The following VWDE variants were observed in gnomAD, a reference collection of about 807,000 sequenced individuals.
VWDE encodes von Willebrand factor D and EGF domain-containing protein.
Under a neutral mutation model 178.4 loss-of-function variants are expected in VWDE, and 207 were observed. The ratio of observed to expected loss-of-function variants is 1.16; its 90% CI spans 1.04 to 1.30. The LOEUF (loss-of-function observed/expected upper bound fraction) is 1.30, where lower values mean the gene tolerates loss of function less well. Among genes scored for constraint, VWDE ranks in the 50% most tolerant of loss-of-function variants. The pLI is 0.00. For synonymous variants in VWDE, 738 were observed against 651.4 expected (o/e 1.13, Z -2.02); for missense variants, 2,287 against 1,901.3 (o/e 1.20, Z -3.77).
chr7:12,359,438 C>T (rs767054508), intron 16 of VWDE, 140 bp downstream of exon 16: 24 of 551,276 alleles, frequency 4.4e-5, no homozygotes, highest in South Asian at 1.9e-4. Context: ...ATACCCTCAA[C>T]GTAAATTTTG....
At chr7:12,399,693 A>G (rs847996) in intron 1 of VWDE, among the ~76,000 whole-genome samples, 8,778 of 152,232 alleles carry the variant, frequency 0.058, 335 homozygotes, top group Middle Eastern at 0.11. Flanking sequence ...GATAAATTTA[A>G]ACAGAAAGCT....
At chr7:12,339,220 T>C (rs1208078107) in intron 24 of VWDE, among the ~76,000 whole-genome samples, 2 of 152,206 alleles carry the variant, frequency 1.3e-5, no homozygotes, top group Middle Eastern at 3.2e-3. Flanking sequence ...TTCAGTTTAA[T>C]AATTGAGAGA....
intron 27 of VWDE, 71 bp downstream of exon 27, chr7:12,336,070 A>G: frequency 7.4e-7 from 1 of 1,345,982 alleles, no homozygotes. Context: ...CTTGTCCTAA[A>G]GCTATACTTT....
chr7:12,352,813 G>C (rs1316396230), intron 18 of VWDE, among the ~76,000 whole-genome samples: 1 of 152,112 alleles, frequency 6.6e-6, no homozygotes, highest in Non-Finnish European at 1.5e-5. Context: ...CAAAGGTATG[G>C]ATCTTCAACA....
At chr7:12,387,874 T>C (rs1031226616) in intron 3 of VWDE, among the ~76,000 whole-genome samples, 2 of 150,084 alleles carry the variant, frequency 1.3e-5, no homozygotes, top group African/African-American at 4.8e-5. Flanking sequence ...AATTGGGGTT[T>C]GAGATTCACA....
At chr7:12,399,224 A>T (rs1208778753) in intron 1 of VWDE, among the ~76,000 whole-genome samples, 1 of 152,190 alleles carries the variant, frequency 6.6e-6, no homozygotes, top group Non-Finnish European at 1.5e-5. Context: ...TGAAAGTAAA[A>T]GGGCAGAAAA....
At position 12,367,451 on chromosome 7, in the gene VWDE, C is replaced by A. The variant is rs1016522711; in HGVS notation, c.2804G>T (p.Cys935Phe). 6.5e-7 allele frequency: 1 copy of A among 1,544,518 alleles called. No individual in the cohort carries two copies. Among genetic ancestry groups the A allele is most frequent in the Admixed American group, 2.0e-5 (1 of 50,228 alleles). ...CATACAATTATATTTTTGAACATCA[C>A]AGAATCCAGCATTCCCAAGCTCTGT... ...EITELGNAGF[C>F]DVQKYNCMMV... is the part of the protein sequence containing the mutation. The change falls in exon 13 of 29, where the codon TGT (cysteine) becomes TTT (phenylalanine). Residue 935 changes from cysteine (C) to phenylalanine (F), a missense_variant. Coordinates refer to ENST00000275358, the MANE Select transcript of VWDE (RefSeq NM_001135924.3).
intron 9 of VWDE, among the ~76,000 whole-genome samples, chr7:12,373,880 C>A (rs1783357263): frequency 6.6e-6 from 1 of 152,138 alleles, no homozygotes; most frequent in Admixed American, 6.6e-5. Context: ...TTAGTTATAA[C>A]CGTAAAGGAT....
In VWDE at chr7:12,378,062, A is replaced by G. The variant is rs566895310; in HGVS notation, c.880-142T>C. On this transcript the variant is annotated intron_variant, in intron 6 of 28. Transcript: ENST00000275358. ...TAGAATGTTTTAACTAAGCAAGACC[A>G]TTAAAATCAAACTTATACAAATACA... The G allele has an allele frequency of 1.4e-5, 8 of 572,654 alleles. No homozygotes were observed. In the South Asian group the frequency reaches 2.8e-4, roughly 20 times the overall value. The allele number at this position is 572,654 out of a possible 1,614,324, so 35.5% of individuals were successfully genotyped here.
chr7:12,342,106 T>C lies in VWDE; in HGVS notation c.4223A>G (p.Asp1408Gly). Residue 1408 changes from aspartate (D) to glycine (G), a missense_variant, in exon 23 of 29, where the codon GAT becomes GGT. Transcript: ENST00000275358. ...CCAGCCAGGTTTGCACTGGCAAATA[T>C]CTGGTGTAAGACACTGGCCTCCATT... is the stretch of plus-strand genomic sequence containing the variant. The part of the protein sequence containing the change: ...CENGGQCLTP[D>G]ICQCKPGWYG... 3.2e-6 allele frequency: 5 copies of C among 1,551,572 alleles called. No individual in the cohort carries two copies. Among genetic ancestry groups the C allele is most frequent in the Non-Finnish European group, 4.4e-6 (5 of 1,146,908 alleles).
chr7:12,336,906 G>GA (rs1287484114), intron 26 of VWDE, 82 bp downstream of exon 26: 24 of 1,328,302 alleles, frequency 1.8e-5, no homozygotes, highest in Middle Eastern at 4.6e-4. Flanking sequence ...AAACAAAAGT[G>GA]AAAAAAATGC....
chr7:12,370,213 T>C lies in VWDE; in HGVS notation c.2093A>G (p.Glu698Gly), dbSNP rs983002728. 3.9e-6 allele frequency: 6 copies of C among 1,551,102 alleles called. No homozygotes were observed. In the African/African-American group the frequency reaches 4.1e-5, roughly 11 times the overall value. The change falls in exon 12 of 29, where the codon GAA becomes GGA. Residue 698 changes from glutamate (E) to glycine (G), a missense_variant. Transcript: ENST00000275358. Reference sequence around the variant, plus strand: ...TTTAGTCAGGTTTATGTGTTTTTTTTCTTGCAGAAATAAATTTAGATTATA... The same window carrying C: ...TTTAGTCAGGTTTATGTGTTTTTTTCCTTGCAGAAATAAATTTAGATTATA... ...EEYNLNLFLQ[E>G]KKHINLTKLG...
At chr7:12,392,072 A>G (rs2128561993) in intron 2 of VWDE, among the ~76,000 whole-genome samples, 1 of 152,322 alleles carries the variant, frequency 6.6e-6, no homozygotes, top group Admixed American at 6.5e-5. Flanking sequence ...ACACCTATTT[A>G]TGCAGAACTC....
intron 24 of VWDE, among the ~76,000 whole-genome samples, chr7:12,338,764 G>A (rs1030224531): frequency 5.9e-5 from 9 of 152,106 alleles, no homozygotes; most frequent in Admixed American, 2.6e-4. Context: ...AAATCCAAGA[G>A]GTGAAGCAAA....
chr7:12,361,066 A>G, intron 15 of VWDE, 81 bp downstream of exon 15: 1 of 861,192 alleles, frequency 1.2e-6, no homozygotes, highest in Non-Finnish European at 1.7e-6. Context: ...AAAGTGAAAA[A>G]ACTACAATTA....
intron 24 of VWDE, among the ~76,000 whole-genome samples, chr7:12,339,773 A>G (rs1448138687): frequency 3.3e-5 from 5 of 152,130 alleles, no homozygotes; most frequent in African/African-American, 1.2e-4. Context: ...CCCTCAAGAC[A>G]TCCCCATTAT....
At position 12,356,132 on chromosome 7, in the gene VWDE, C is replaced by T; in HGVS notation, c.3724G>A (p.Asp1242Asn). The change falls in exon 18 of 29, where the codon GAT (aspartate) becomes AAT (asparagine). Residue 1242 changes from aspartate (D) to asparagine (N), a missense_variant. Coordinates refer to ENST00000275358, the MANE Select transcript of VWDE (RefSeq NM_001135924.3). The part of the protein sequence containing the change: ...YISGFHSYSC[D>N]CPPELKVETQ... ...TTACCTTTGAGCTCAGGTGGACAAT[C>T]ACAGGAATAACTGTGAAAACCACTA... is the stretch of plus-strand genomic sequence containing the variant. 6.4e-7 allele frequency: 1 copy of T among 1,551,302 alleles called. No individual in the cohort carries two copies.
chr7:12,361,523 T>C lies in VWDE; in HGVS notation c.2899-2A>G, dbSNP rs972381929. Reference sequence around the variant, plus strand: ...AGGCATCCATTCACTGCTATTATACTGAAGACATAGTGAGAAAAAAATTAA... The same window carrying C: ...AGGCATCCATTCACTGCTATTATACCGAAGACATAGTGAGAAAAAAATTAA... On this transcript the variant is annotated splice_acceptor_variant, in intron 13 of 28. Coordinates refer to ENST00000275358, the MANE Select transcript of VWDE (RefSeq NM_001135924.3). LOFTEE classifies it high-confidence loss of function. 1 of 1,519,112 alleles carries C rather than the reference T, an allele frequency of 6.6e-7. No individual in the cohort carries two copies. The highest frequency in any genetic ancestry group is 1.4e-5 in the African/African-American group (1 of 71,666). The allele number at this position is 1,519,112 out of a possible 1,614,324, so 94.1% of individuals were successfully genotyped here.
intron 5 of VWDE, 45 bp downstream of exon 5, chr7:12,380,441 A>G (rs1326768377): frequency 6.5e-7 from 1 of 1,526,988 alleles, no homozygotes; most frequent in Admixed American, 2.1e-5. Context: ...GTGTTTGAAA[A>G]TCAATACATT....
Sources: gnomAD v4.1 joint callset for allele counts (sites outside exome capture counted in the v4.1 genomes callset) on GRCh38, gnomAD v4.1.1 for gene constraint, MANE v1.5 for transcripts, NCBI Gene and HGNC (gene_info 2026-07-23, HGNC 2026-07-21) for gene names.